Variants in NLRP7 observed in about 807,000 individuals in gnomAD.
NLRP7 encodes the protein NACHT, LRR and PYD domains-containing protein 7.
In NLRP7, 72 loss-of-function variants were observed where a neutral mutation model predicts 85.5. The ratio of observed to expected loss-of-function variants is 0.84; its 90% CI spans 0.70 to 1.02. NLRP7 has a LOEUF of 1.02. Ranked by LOEUF, NLRP7 falls within the 50% of genes least tolerant of loss-of-function variation. The probability of loss-of-function intolerance (pLI) is 0.00; values close to 1 mark genes in which losing one functional copy is unlikely to be tolerated. For missense variants in NLRP7, 1,243 were observed against 1,219.5 expected (o/e 1.02, Z -0.29); for synonymous variants, 550 against 505.2 (o/e 1.09, Z -1.19).
chr19:54,929,023 G>A (rs2068562104), intron 9 of NLRP7, among the ~76,000 whole-genome samples: 1 of 152,094 alleles, frequency 6.6e-6, no homozygotes, highest in South Asian at 2.1e-4. Context: ...TGGAAATAAA[G>A]GTATCACGGT....
chr19:54,951,231 T>G (rs1433416449), upstream of NLRP7, among the ~76,000 whole-genome samples: 1 of 152,090 alleles, frequency 6.6e-6, no homozygotes, highest in Non-Finnish European at 1.5e-5. Flanking sequence ...CAATCTGATC[T>G]CTCTTTCTTT....
chr19:54,958,686 C>T (rs2069936190), intron 1 of NLRP7, among the ~76,000 whole-genome samples: 1 of 151,982 alleles, frequency 6.6e-6, no homozygotes, highest in Non-Finnish European at 1.5e-5. Flanking sequence ...GGCACAGTGG[C>T]TCACGCCTGT....
intron 1 of NLRP7, among the ~76,000 whole-genome samples, chr19:54,961,478 A>G (rs1332660395): frequency 6.6e-6 from 1 of 151,716 alleles, no homozygotes; most frequent in Admixed American, 6.6e-5. Flanking sequence ...AGCCTGGGCA[A>G]CAACAGAGAG....
chr19:54,959,380 A>G (rs367848410), intron 1 of NLRP7, among the ~76,000 whole-genome samples: 2 of 148,914 alleles, frequency 1.3e-5, no homozygotes, highest in African/African-American at 2.5e-5. Flanking sequence ...CTTGTGATCC[A>G]CCCGCCTTGG....
Position 54,941,207 on chromosome 19 carries a change from C to CA in NLRP7, c.278-203dup, listed in dbSNP as rs111382825. ...CAAAACCCCATCTCTACTAAAAATA[C>CA]AAAAAAAAAAAAATTAGCCAGGTGT... is the stretch of plus-strand genomic sequence containing the variant. On this transcript the variant is annotated intron_variant, in intron 2 of 9. Transcript: ENST00000340844. Among the ~76,000 whole-genome samples, 548 of 142,892 alleles carry CA rather than the reference C, an allele frequency of 3.8e-3. 2 individuals carry two copies. Among genetic ancestry groups the CA allele is most frequent in the African/African-American group, 4.6e-3 (180 of 39,158 alleles). The allele number at this position is 142,892 out of a possible 152,430, so 93.7% of individuals were successfully genotyped here. A position where few individuals can be genotyped will look rare whatever the true frequency, so the allele number is the denominator to read the frequency against.
At chr19:54,955,723 G>T (rs1465769205) in intron 1 of NLRP7, among the ~76,000 whole-genome samples, 1 of 152,044 alleles carries the variant, frequency 6.6e-6, no homozygotes. Flanking sequence ...GGAGTCGTAG[G>T]TTGCAGTGAG....
At chr19:54,937,648 A>C (rs908651177) in intron 5 of NLRP7, among the ~76,000 whole-genome samples, 3 of 152,092 alleles carry the variant, frequency 2.0e-5, no homozygotes, top group Non-Finnish European at 4.4e-5. Flanking sequence ...CTATAATCCC[A>C]GCACTTTGGA....
At chr19:54,954,135 A>C (rs2069770272) in intron 1 of NLRP7, among the ~76,000 whole-genome samples, 1 of 149,466 alleles carries the variant, frequency 6.7e-6, no homozygotes, top group Non-Finnish European at 1.5e-5. Context: ...ACAGTTTACA[A>C]ATGCCATGGC....
intron 9 of NLRP7, 41 bp downstream of exon 9, chr19:54,930,458 T>C (rs1463919150): frequency 1.4e-6 from 2 of 1,430,704 alleles, no homozygotes; most frequent in East Asian, 2.3e-5. Context: ...CAAGACCCTG[T>C]CTCAAAAAAA....
At position 54,938,252 on chromosome 19, in the gene NLRP7, A is replaced by T. The variant is rs2069030789; in HGVS notation, c.1932-11T>A. 2 of 1,612,446 alleles carry T rather than the reference A, an allele frequency of 1.2e-6. No homozygotes were observed. Among genetic ancestry groups the T allele is most frequent in the East Asian group, 4.5e-5 (2 of 44,858 alleles). ...GTTAGGTAAGTGCACCTGCAGGAGAACACACGTTCATCTCTTAGGACTAGT... is the reference window on the plus strand; with the variant it reads ...GTTAGGTAAGTGCACCTGCAGGAGATCACACGTTCATCTCTTAGGACTAGT... On this transcript the variant is annotated splice_polypyrimidine_tract_variant and intron_variant, in intron 4 of 9. Coordinates refer to ENST00000340844, the Ensembl canonical transcript of NLRP7.
At chr19:54,950,172 G>A (rs1324479759), upstream of NLRP7, among the ~76,000 whole-genome samples, 4 of 151,544 alleles carry the variant, frequency 2.6e-5, no homozygotes, top group Non-Finnish European at 4.4e-5. Flanking sequence ...TCGTGTGCCA[G>A]GACTGTGGTG....
chr19:54,951,130 G>A (rs1033214942), upstream of NLRP7, among the ~76,000 whole-genome samples: 9 of 152,216 alleles, frequency 5.9e-5, no homozygotes. Flanking sequence ...TAAGGTCATA[G>A]ATTAACAGCA....
intron 1 of NLRP7, among the ~76,000 whole-genome samples, chr19:54,945,496 C>G (rs1418893075): frequency 6.6e-6 from 1 of 152,110 alleles, no homozygotes; most frequent in East Asian, 2.0e-4. Flanking sequence ...TCTTGAACTC[C>G]TGACCTCAGG....
At position 54,930,619 on chromosome 19, in the gene NLRP7, TC is replaced by T; in HGVS notation, c.2689del (p.Glu897ArgfsTer14). Reference sequence around the variant, plus strand: ...GAGGCTGCAGGCTTCTTGGAGCGCCTCTGAGAGATATCTACAGCCAAGCTTG... The same window carrying T: ...GAGGCTGCAGGCTTCTTGGAGCGCCTTGAGAGATATCTACAGCCAAGCTTG... On this transcript the variant is annotated frameshift_variant, in exon 9 of 10. Coordinates refer to ENST00000340844, the Ensembl canonical transcript of NLRP7. LOFTEE classifies it high-confidence loss of function. The T allele has an allele frequency of 2.5e-6, 4 of 1,613,054 alleles. No individual in the cohort carries two copies. The highest frequency in any genetic ancestry group is 3.4e-6 in the Non-Finnish European group (4 of 1,179,076).
In NLRP7 at chr19:54,941,754, G is replaced by C. The variant is rs199476227; in HGVS notation, c.-39-4C>G. ...ACCTTAGGTTAAGGCTGAAGAACTGGGGGGAAAAAAGGAAAAACAGTTCAC... is the reference window on the plus strand; with the variant it reads ...ACCTTAGGTTAAGGCTGAAGAACTGCGGGGAAAAAAGGAAAAACAGTTCAC... On this transcript the variant is annotated splice_polypyrimidine_tract_variant and splice_region_variant and intron_variant, in intron 1 of 9. Coordinates refer to ENST00000340844, the Ensembl canonical transcript of NLRP7. The C allele has an allele frequency of 1.9e-5, 30 of 1,585,264 alleles. No individual in the cohort carries two copies. Among genetic ancestry groups the C allele is most frequent in the Non-Finnish European group, 2.4e-5 (28 of 1,170,434 alleles).
chr19:54,945,539 G>A (rs2069431785), intron 1 of NLRP7, among the ~76,000 whole-genome samples: 1 of 151,758 alleles, frequency 6.6e-6, no homozygotes, highest in Non-Finnish European at 1.5e-5. Context: ...CAAAGTGCTG[G>A]GATTACAGGT....
chr19:54,953,559 G>C (rs576965288), intron 1 of NLRP7, among the ~76,000 whole-genome samples: 1 of 150,754 alleles, frequency 6.6e-6, no homozygotes, highest in African/African-American at 2.5e-5. Context: ...CTGGGCCGCG[G>C]GGCTGTCTGC....
chr19:54,936,726 C>T (rs976967335), intron 5 of NLRP7, among the ~76,000 whole-genome samples: 8 of 151,896 alleles, frequency 5.3e-5, no homozygotes, highest in African/African-American at 1.9e-4. Context: ...ACCAGCCTGG[C>T]CAACATGGGG....
intron 7 of NLRP7, 38 bp from the exon 8 acceptor site, chr19:54,933,777 C>A (rs780614326): frequency 9.5e-6 from 15 of 1,582,148 alleles, no homozygotes; most frequent in Non-Finnish European, 1.1e-5. Flanking sequence ...AGGATGAGAA[C>A]ATTTCCACAA....
Sources: gnomAD v4.1 joint callset for allele counts (sites outside exome capture counted in the v4.1 genomes callset) on GRCh38, gnomAD v4.1.1 for gene constraint, MANE v1.5 for transcripts, NCBI Gene and HGNC (gene_info 2026-07-23, HGNC 2026-07-21) for gene names.